Variants in WASF1 observed in about 807,000 individuals in gnomAD.
WASF1 encodes the protein actin-binding protein WASF1.
In WASF1, 7 loss-of-function variants were observed where a neutral mutation model predicts 50.5. The ratio of observed to expected loss-of-function variants is 0.14; its 90% confidence interval spans 0.08 to 0.26. WASF1 has a LOEUF of 0.26. Ranked by LOEUF, WASF1 falls within the 10% of genes least tolerant of loss-of-function variation. The pLI, the probability that WASF1 is intolerant of heterozygous loss-of-function variation, is 1.00. For missense variants in WASF1, 470 were observed against 694.7 expected, an observed-to-expected ratio of 0.68 and a Z score of 3.64; for synonymous variants, 205 against 244.0, an observed-to-expected ratio of 0.84 and a Z score of 1.49.
chr6:110,142,952 T>TAAAAAAAAAAA (rs5879060), intron 3 of WASF1, among the ~76,000 whole-genome samples: 6 of 119,180 alleles, frequency 5.0e-5, no homozygotes, highest in Non-Finnish European at 1.0e-4. Flanking sequence ...CCCAATGATG[T>TAAAAAAAAAAA]AAAAAAAAAA....
At chr6:110,121,248 C>A (rs551544243) in intron 4 of WASF1, among the ~76,000 whole-genome samples, 1 of 152,172 alleles carries the variant, frequency 6.6e-6, no homozygotes, top group Admixed American at 6.5e-5. Flanking sequence ...AGTGAACAGG[C>A]AACCTACAGA....
At chr6:110,118,615 G>A (rs1773926127) in intron 4 of WASF1, among the ~76,000 whole-genome samples, 2 of 152,124 alleles carry the variant, frequency 1.3e-5, no homozygotes, top group Admixed American at 6.5e-5. Context: ...ACACCCCACT[G>A]TCAATATTAG....
At chr6:110,135,817 G>T (rs900567830) in intron 3 of WASF1, among the ~76,000 whole-genome samples, 2 of 137,010 alleles carry the variant, frequency 1.5e-5, no homozygotes, top group Non-Finnish European at 3.1e-5. Context: ...GTGTAGTTTT[G>T]GTTTGTTAAT....
chr6:110,124,040 C>A (rs1774254898), intron 4 of WASF1, among the ~76,000 whole-genome samples: 1 of 151,768 alleles, frequency 6.6e-6, no homozygotes, highest in African/African-American at 2.4e-5. Flanking sequence ...AGGGCTTACA[C>A]CAGATGCTTT....
chr6:110,103,138 T>C (rs3828927), intron 9 of WASF1, among the ~76,000 whole-genome samples: 75,472 of 152,028 alleles, frequency 0.5, 22,513 homozygotes, highest in Non-Finnish European at 0.66. Context: ...AGATTACAAA[T>C]AATGTCCCAC....
chr6:110,142,187 C>A (rs947940131), intron 3 of WASF1, among the ~76,000 whole-genome samples: 1 of 152,164 alleles, frequency 6.6e-6, no homozygotes, highest in African/African-American at 2.4e-5. Context: ...TGGATCATAT[C>A]TTACTCATTT....
chr6:110,132,758 C>T (rs1054245730), intron 3 of WASF1, among the ~76,000 whole-genome samples: 2 of 151,908 alleles, frequency 1.3e-5, no homozygotes, highest in East Asian at 3.9e-4. Context: ...CATAGCTTAG[C>T]TCCCACTTAT....
At chr6:110,102,299 T>TG in intron 9 of WASF1, 83 bp from the exon 10 acceptor site, 1 of 1,280,044 alleles carries the variant, frequency 7.8e-7, no homozygotes, top group Non-Finnish European at 1.0e-6. Context: ...TATAAATGAC[T>TG]ATCAGTAATT....
At chr6:110,173,473 CAT>C (rs1776800893) in intron 2 of WASF1, among the ~76,000 whole-genome samples, 1 of 152,160 alleles carries the variant, frequency 6.6e-6, no homozygotes, top group Non-Finnish European at 1.5e-5. Context: ...TGAAATCACA[CAT>C]ATCTGTGCTC....
chr6:110,150,311 G>T (rs1775767204), intron 3 of WASF1, among the ~76,000 whole-genome samples: 1 of 152,054 alleles, frequency 6.6e-6, no homozygotes, highest in East Asian at 1.9e-4. Context: ...TATAGCTAAG[G>T]TCTAAAGTAG....
intron 2 of WASF1, among the ~76,000 whole-genome samples, chr6:110,172,895 G>C (rs1290857129): frequency 6.6e-6 from 1 of 152,084 alleles, no homozygotes; most frequent in Non-Finnish European, 1.5e-5. Context: ...TAACTAAACT[G>C]TACGTGTACC....
chr6:110,103,359 T>C lies in WASF1; in HGVS notation c.893+19A>G. The C allele has an allele frequency of 1.2e-6, 2 of 1,607,568 alleles. No individual in the cohort carries two copies. Among genetic ancestry groups the C allele is most frequent in the South Asian group, 1.1e-5 (1 of 89,948 alleles). On this transcript the variant is annotated intron_variant, in intron 9 of 10. Transcript: ENST00000392589. The stretch of plus-strand genomic sequence containing the variant: ...TACTGACTCCTAAGATAAAACATCA[T>C]ATGCTTGTTCCAACATACCTGATAC...
intron 2 of WASF1, among the ~76,000 whole-genome samples, chr6:110,172,854 C>T (rs939737263): frequency 6.6e-6 from 1 of 151,986 alleles, no homozygotes; most frequent in Admixed American, 6.6e-5. Context: ...TACTAAAAAG[C>T]CAGGCTTTGC....
intron 7 of WASF1, among the ~76,000 whole-genome samples, chr6:110,106,176 A>T (rs1773316039): frequency 6.6e-6 from 1 of 152,256 alleles, no homozygotes; most frequent in Non-Finnish European, 1.5e-5. Context: ...GGCCAAGCGG[A>T]TAACATACAT....
At chr6:110,133,374 T>C (rs1774787466) in intron 3 of WASF1, among the ~76,000 whole-genome samples, 1 of 152,184 alleles carries the variant, frequency 6.6e-6, no homozygotes, top group Non-Finnish European at 1.5e-5. Flanking sequence ...CTTTTTTATA[T>C]AATGCCTTCT....
intron 4 of WASF1, among the ~76,000 whole-genome samples, chr6:110,124,240 CT>C (rs1774293148): frequency 2.9e-4 from 9 of 30,828 alleles, no homozygotes; most frequent in Non-Finnish European, 4.5e-4. Context: ...TCTCTCCTCT[CT>C]CTCTCTCTCT....
chr6:110,130,999 CT>C (rs1449359700), intron 3 of WASF1, among the ~76,000 whole-genome samples: 1 of 152,096 alleles, frequency 6.6e-6, no homozygotes, highest in African/African-American at 2.4e-5. Flanking sequence ...TGGGAAGTGC[CT>C]GTTCAATCCT....
chr6:110,139,718 C>T (rs1775136910), intron 3 of WASF1, among the ~76,000 whole-genome samples: 1 of 152,166 alleles, frequency 6.6e-6, no homozygotes. Context: ...AGATCCCCTC[C>T]AATCCATGGA....
intron 4 of WASF1, among the ~76,000 whole-genome samples, chr6:110,114,213 G>A (rs1264483179): frequency 6.6e-6 from 1 of 152,110 alleles, no homozygotes; most frequent in Non-Finnish European, 1.5e-5. Context: ...TTTCCATCAT[G>A]TTTTATGCAA....
Sources: allele counts gnomAD v4.1 joint callset (sites outside exome capture counted in the v4.1 genomes callset), GRCh38; gene constraint gnomAD v4.1.1; transcripts MANE v1.5; gene names NCBI Gene and HGNC (gene_info 2026-07-23, HGNC 2026-07-21).